The following IL1RL2 variants were observed in gnomAD, a reference collection of about 807,000 sequenced individuals.
IL1RL2 encodes interleukin-1 receptor-like 2.
In IL1RL2, 68 loss-of-function variants were observed where a neutral mutation model predicts 66.8. The observed-to-expected ratio is 1.02, with a 90% confidence interval of 0.84 to 1.25. The LOEUF (loss-of-function observed/expected upper bound fraction) is 1.25. Among genes scored for constraint, IL1RL2 ranks in the 50% most tolerant of loss-of-function variants. IL1RL2 has a pLI of 0.00. For missense variants in IL1RL2, 729 were observed against 709.3 expected, an observed-to-expected ratio of 1.03 and a Z score of -0.32; for synonymous variants, 305 against 264.6, an observed-to-expected ratio of 1.15 and a Z score of -1.48.
intron 4 of IL1RL2, among the ~76,000 whole-genome samples, chr2:102,200,388 T>C (rs1366242659): frequency 6.6e-6 from 1 of 152,226 alleles, no homozygotes; most frequent in Non-Finnish European, 1.5e-5. Flanking sequence ...GCTCTATTCA[T>C]GCTGTTCCAG....
chr2:102,187,251 T>G, intron 1 of IL1RL2, 165 bp downstream of exon 1: 2 of 1,189,180 alleles, frequency 1.7e-6, no homozygotes, highest in Non-Finnish European at 2.1e-6. Context: ...GGGAGCCGAC[T>G]CCGTCTCTGG....
At position 102,225,016 on chromosome 2, in the gene IL1RL2, A is replaced by AT. The variant is rs548461305; in HGVS notation, c.992-881dup. 5.2e-3 allele frequency among the ~76,000 whole-genome samples: 786 copies of AT among 152,204 alleles called. 2 individuals are homozygous for AT. The highest frequency in any genetic ancestry group is 8.5e-3 in the Non-Finnish European group (579 of 68,004). ...GTGGTGTGTGAGGTGGGTTTTAAGA[A>AT]TGGGGAGGACTTTTCTTCCTGTCTC... On this transcript the variant is annotated intron_variant, in intron 8 of 11. Transcript: ENST00000264257.
chr2:102,187,399 C>G (rs1686774009), intron 1 of IL1RL2: 1 of 1,140,202 alleles, frequency 8.8e-7, no homozygotes, highest in Non-Finnish European at 1.1e-6. Flanking sequence ...CTGTTTAGAC[C>G]GCCAGGCTCG....
intron 3 of IL1RL2, among the ~76,000 whole-genome samples, chr2:102,190,958 TG>T (rs1687179796): frequency 6.6e-6 from 1 of 152,216 alleles, no homozygotes; most frequent in Admixed American, 6.5e-5. Flanking sequence ...TTTAGGAAAC[TG>T]TATATTTTTA....
intron 9 of IL1RL2, among the ~76,000 whole-genome samples, chr2:102,231,624 C>T (rs1691141201): frequency 6.6e-6 from 1 of 151,378 alleles, no homozygotes; most frequent in Non-Finnish European, 1.5e-5. Context: ...CTTTTCTGTT[C>T]GTTTGACTCT....
intron 11 of IL1RL2, 93 bp downstream of exon 11, chr2:102,235,370 C>T (rs577272824): frequency 2.1e-4 from 323 of 1,528,944 alleles, no homozygotes; most frequent in Non-Finnish European, 2.3e-4. Context: ...CACGTTTCAT[C>T]GGGGCCGTCT....
intron 5 of IL1RL2, among the ~76,000 whole-genome samples, chr2:102,202,777 T>G (rs1688375578): frequency 6.6e-6 from 1 of 152,240 alleles, no homozygotes; most frequent in African/African-American, 2.4e-5. Flanking sequence ...AATAGTTTTC[T>G]TGTGGAGTCT....
At chr2:102,235,733 G>A (rs1031499125) in intron 11 of IL1RL2, 1 of 985,296 alleles carries the variant, frequency 1.0e-6, no homozygotes, top group African/African-American at 1.7e-5. Flanking sequence ...ATTTGTCCAC[G>A]CCTGTCCAGT....
intron 4 of IL1RL2, among the ~76,000 whole-genome samples, chr2:102,198,005 C>A (rs1559532524): frequency 6.6e-6 from 1 of 152,170 alleles, no homozygotes; most frequent in Non-Finnish European, 1.5e-5. Flanking sequence ...CACCTAGTAT[C>A]TTGTCTTGAA....
rs529299994 is a variant in IL1RL2 at position 102,224,704 on chromosome 2, T to A, written c.992-1194T>A. ...AGATAGGAATAATTTATTGTATAAT[T>A]CAGTATAACTAGAGGAATGAATTTG... On this transcript the variant is annotated intron_variant, in intron 8 of 11. Coordinates refer to ENST00000264257, the MANE Select transcript of IL1RL2 (RefSeq NM_003854.4). Among the ~76,000 whole-genome samples the A allele has an allele frequency of 3.9e-5, 6 of 152,312 alleles. No individual in the cohort carries two copies. The South Asian group carries it at 1.2e-3, about 32-fold the overall frequency.
chr2:102,208,771 T>C (rs1459004084), intron 5 of IL1RL2, among the ~76,000 whole-genome samples: 1 of 152,280 alleles, frequency 6.6e-6, no homozygotes, highest in East Asian at 1.9e-4. Flanking sequence ...AGTCCTCCTA[T>C]GTTCTTTGCA....
intron 5 of IL1RL2, among the ~76,000 whole-genome samples, chr2:102,202,810 T>C (rs941258887): frequency 6.6e-6 from 1 of 152,230 alleles, no homozygotes; most frequent in Admixed American, 6.5e-5. Flanking sequence ...AAATATAAGA[T>C]CATATCATTT....
intron 4 of IL1RL2, 64 bp downstream of exon 4, chr2:102,192,184 G>A: frequency 8.8e-7 from 1 of 1,134,096 alleles, no homozygotes; most frequent in Non-Finnish European, 1.2e-6. Flanking sequence ...GTTTTTTATA[G>A]GTTAAGTTGT....
Position 102,188,022 on chromosome 2 carries a change from C to T in IL1RL2, c.58+97C>T, listed in dbSNP as rs1204022756. The T allele has an allele frequency of 3.3e-6, 4 of 1,216,322 alleles. No homozygotes were observed. In the African/African-American group the frequency reaches 4.5e-5, roughly 14 times the overall value. 75.3% of individuals were successfully genotyped at this position (1,216,322 alleles called of 1,614,324 possible). Reference sequence around the variant, plus strand: ...CCCGGGGATCGCGTCAGCCCGAGCGCGGCTCCTTCCCCTCCCCAGACCGCC... The same window carrying T: ...CCCGGGGATCGCGTCAGCCCGAGCGTGGCTCCTTCCCCTCCCCAGACCGCC... On this transcript the variant is annotated intron_variant, in intron 2 of 11. Transcript: ENST00000264257.
rs961806971 is a variant in IL1RL2 at position 102,235,060 on chromosome 2, G to A, written c.1461G>A (p.Glu487=). Residue 487 remains glutamate, a synonymous_variant, in exon 11 of 12, where the codon GAG becomes GAA. Coordinates refer to ENST00000264257, the MANE Select transcript of IL1RL2 (RefSeq NM_003854.4). The stretch of plus-strand genomic sequence containing the variant: ...ACGGGATGAAGGTTATTCTCATTGA[G>A]CTGGAGAAAATCGAGGACTACACAG... ...IQDGMKVILI[E]LEKIEDYTVM... 27 of 1,614,158 alleles carry A rather than the reference G, an allele frequency of 1.7e-5. No homozygotes were observed. Among genetic ancestry groups the A allele is most frequent in the African/African-American group, 2.7e-5 (2 of 75,024 alleles).
chr2:102,187,232 T>G, intron 1 of IL1RL2, 146 bp downstream of exon 1: 1 of 1,200,906 alleles, frequency 8.3e-7, no homozygotes, highest in Non-Finnish European at 1.1e-6. Flanking sequence ...ACCGGCTAGG[T>G]GACCATGGGG....
chr2:102,239,707 C>A lies in IL1RL2; in HGVS notation c.*466C>A. ...ATCCCCATGTCATGGTGGGCGAGAT[C>A]TGGGGGGTATCCCCACGTCATGGTG... On this transcript the variant is annotated 3_prime_UTR_variant, in exon 12 of 12. Transcript: ENST00000264257. 5.7e-6 allele frequency: 1 copy of A among 174,890 alleles called. No individual in the cohort carries two copies. The highest frequency in any genetic ancestry group is 1.2e-5 in the Non-Finnish European group (1 of 80,390). The allele number at this position is 174,890 out of a possible 1,614,324, so 10.8% of individuals were successfully genotyped here. A position where few individuals can be genotyped will look rare whatever the true frequency, so the allele number is the denominator to read the frequency against.
At chr2:102,195,370 GT>G (rs1156482051) in intron 4 of IL1RL2, among the ~76,000 whole-genome samples, 1 of 151,774 alleles carries the variant, frequency 6.6e-6, no homozygotes, top group Non-Finnish European at 1.5e-5. Context: ...AAGTTTCATT[GT>G]TTTTCTTTTT....
intron 5 of IL1RL2, among the ~76,000 whole-genome samples, 181 bp from the exon 6 acceptor site, chr2:102,211,918 AT>A (rs138145179): frequency 1.4e-4 from 21 of 150,276 alleles, no homozygotes; most frequent in African/African-American, 4.4e-4. Flanking sequence ...CTTCTAGCTT[AT>A]TTTTTTTTTC....
Sources: allele counts gnomAD v4.1 joint callset (sites outside exome capture counted in the v4.1 genomes callset), GRCh38; gene constraint gnomAD v4.1.1; transcripts MANE v1.5; gene names NCBI Gene and HGNC (gene_info 2026-07-23, HGNC 2026-07-21).